The following ROBO1 variants were observed in gnomAD, a reference collection of about 807,000 sequenced individuals.
ROBO1 encodes the protein roundabout guidance receptor 1, also known as roundabout homolog 1.
ROBO1 carries 149 observed loss-of-function variants against 195.9 expected under a neutral mutation model. The ratio of observed to expected loss-of-function variants is 0.76; its 90% CI spans 0.67 to 0.87. ROBO1 has a LOEUF of 0.87. Ranked by LOEUF, ROBO1 falls within the 40% of genes least tolerant of loss-of-function variation. The probability of loss-of-function intolerance (pLI) is 0.00; values close to 1 mark genes in which losing one functional copy is unlikely to be tolerated. For missense variants in ROBO1, 1,933 were observed against 2,068.3 expected (o/e 0.93, Z 1.27); for synonymous variants, 816 against 733.2 (o/e 1.11, Z -1.82).
chr3:79,659,623 AC>A, intron 1 of ROBO1, among the ~76,000 whole-genome samples: 1 of 29,228 alleles, frequency 3.4e-5, no homozygotes, highest in African/African-American at 2.1e-4. Flanking sequence ...AAAAAAAAAC[AC>A]AATATTTTTT....
chr3:78,720,274 G>A (rs537524228), intron 5 of ROBO1, among the ~76,000 whole-genome samples: 1 of 152,304 alleles, frequency 6.6e-6, no homozygotes, highest in Non-Finnish European at 1.5e-5. Context: ...ACAACAAGTG[G>A]AAACAAGGTG....
intron 1 of ROBO1, among the ~76,000 whole-genome samples, chr3:79,601,010 C>A (rs967748389): frequency 6.6e-6 from 1 of 151,798 alleles, no homozygotes; most frequent in Admixed American, 6.6e-5. Flanking sequence ...AAGTTACAAG[C>A]GGTGGTAATT....
intron 4 of ROBO1, among the ~76,000 whole-genome samples, chr3:78,925,638 T>G (rs928696712): frequency 6.6e-6 from 1 of 152,146 alleles, no homozygotes; most frequent in African/African-American, 2.4e-5. Flanking sequence ...AAATTAATAA[T>G]AATACTTTTG....
At position 79,572,437 on chromosome 3, in the gene ROBO1, A is replaced by G. The variant is rs962698402; in HGVS notation, c.88+17387T>C. Among the ~76,000 whole-genome samples the G allele has an allele frequency of 7.2e-5, 11 of 152,078 alleles. No individual in the cohort carries two copies. The East Asian group carries it at 1.2e-3, about 16-fold the overall frequency. ...TTACCTGTATTATATAATTTTTAACATTGCCATGTCAAATTAATAAAAACT... is the reference window on the plus strand; with the variant it reads ...TTACCTGTATTATATAATTTTTAACGTTGCCATGTCAAATTAATAAAAACT... On this transcript the variant is annotated intron_variant, in intron 2 of 30. Coordinates refer to ENST00000464233, the MANE Select transcript of ROBO1 (RefSeq NM_002941.4).
chr3:79,264,114 A>G (rs997619775), intron 2 of ROBO1, among the ~76,000 whole-genome samples: 20 of 152,012 alleles, frequency 1.3e-4, no homozygotes, highest in African/African-American at 7.2e-5. Flanking sequence ...ACATCAGATG[A>G]TGTTAGTCCA....
intron 2 of ROBO1, among the ~76,000 whole-genome samples, chr3:79,389,260 A>T (rs1000224055): frequency 2.6e-5 from 4 of 152,080 alleles, no homozygotes; most frequent in African/African-American, 9.7e-5. Context: ...TAAAGAAAAA[A>T]ATTATGTAAT....
At chr3:78,884,699 G>A (rs1270253532) in intron 4 of ROBO1, among the ~76,000 whole-genome samples, 3 of 116,566 alleles carry the variant, frequency 2.6e-5, no homozygotes, top group African/African-American at 7.0e-5. Flanking sequence ...AAGGAAGGAA[G>A]GAAGGAAAGA....
At chr3:79,176,393 A>C (rs1299777844) in intron 2 of ROBO1, among the ~76,000 whole-genome samples, 1 of 152,178 alleles carries the variant, frequency 6.6e-6, no homozygotes, top group African/African-American at 2.4e-5. Flanking sequence ...AAATCATCCA[A>C]ATTAGTGATT....
intron 2 of ROBO1, among the ~76,000 whole-genome samples, chr3:79,138,128 G>C (rs917214777): frequency 6.6e-6 from 1 of 152,072 alleles, no homozygotes; most frequent in African/African-American, 2.4e-5. Context: ...CTGAAATCAA[G>C]ATACATTGAG....
At chr3:78,780,748 T>C (rs866487408) in intron 4 of ROBO1, among the ~76,000 whole-genome samples, 22 of 152,140 alleles carry the variant, frequency 1.4e-4, no homozygotes, top group African/African-American at 5.3e-4. Flanking sequence ...CTCTAGTCTC[T>C]TTTGGTGCCT....
At chr3:78,696,833 C>A (rs1177934589) in intron 8 of ROBO1, among the ~76,000 whole-genome samples, 1 of 150,630 alleles carries the variant, frequency 6.6e-6, no homozygotes, top group African/African-American at 2.4e-5. Flanking sequence ...TAAAAAAGAC[C>A]TGGAAACTAA....
intron 3 of ROBO1, among the ~76,000 whole-genome samples, chr3:78,963,444 T>C (rs2041487484): frequency 7.3e-6 from 1 of 136,830 alleles, no homozygotes; most frequent in Non-Finnish European, 1.6e-5. Flanking sequence ...TTTGTGTTTA[T>C]AAACATATAT....
rs368416573 is a variant in ROBO1 at position 78,974,216 on chromosome 3, T to C, written c.173-35289A>G. On this transcript the variant is annotated intron_variant, in intron 3 of 30. Transcript: ENST00000464233. ...TCTATTAGTGTACAAATAAAGTCCATGGTACTCATTTCTCTTGAAATACAA... is the reference window on the plus strand; with the variant it reads ...TCTATTAGTGTACAAATAAAGTCCACGGTACTCATTTCTCTTGAAATACAA... 4.1e-4 allele frequency among the ~76,000 whole-genome samples: 63 copies of C among 152,262 alleles called. 1 individual carries two copies. Among genetic ancestry groups the C allele is most frequent in the African/African-American group, 1.4e-3 (57 of 41,560 alleles).
intron 1 of ROBO1, among the ~76,000 whole-genome samples, chr3:79,633,713 C>A (rs1945413807): frequency 9.8e-6 from 1 of 102,234 alleles, no homozygotes; most frequent in African/African-American, 3.8e-5. Context: ...TATATACATA[C>A]TTGAATAGTG....
chr3:79,113,289 C>A, intron 3 of ROBO1, among the ~76,000 whole-genome samples: 1 of 152,008 alleles, frequency 6.6e-6, no homozygotes, highest in East Asian at 1.9e-4. Flanking sequence ...CCCATGTGCC[C>A]AGAAATCCAT....
intron 2 of ROBO1, among the ~76,000 whole-genome samples, chr3:79,356,240 C>T (rs950001557): frequency 6.6e-6 from 1 of 152,158 alleles, no homozygotes; most frequent in African/African-American, 2.4e-5. Flanking sequence ...ACTCAGGAGA[C>T]TGAGGCACAA....
intron 2 of ROBO1, among the ~76,000 whole-genome samples, chr3:79,399,348 C>G (rs1012923788): frequency 3.9e-5 from 6 of 152,080 alleles, no homozygotes; most frequent in Admixed American, 1.3e-4. Context: ...TGACCGGCTG[C>G]CCCCCGACCT....
intron 3 of ROBO1, chr3:79,018,818 C>G (rs2078025516): frequency 6.8e-6 from 7 of 1,025,462 alleles, no homozygotes; most frequent in Non-Finnish European, 2.3e-6. Context: ...TGCGCCCCCA[C>G]AATGTGCGGC....
In ROBO1 at chr3:78,627,465, C is replaced by T. The variant is rs142789733; in HGVS notation, c.3731G>A (p.Arg1244Gln). The stretch of plus-strand genomic sequence containing the variant: ...GGCAGCTGGAGAAGAAGCTGCTCCC[C>T]GAACAGGGGGAGTGGGGCCTCGTTC... ...EDERGPTPPV[R>Q]GAASSPAAVS... Residue 1244 changes from arginine (R) to glutamine (Q), a missense_variant, in exon 26 of 31, where the codon CGG becomes CAG. Transcript: ENST00000464233. The T allele has an allele frequency of 9.3e-6, 15 of 1,612,978 alleles. No individual in the cohort carries two copies. Among genetic ancestry groups the T allele is most frequent in the East Asian group, 4.5e-5 (2 of 44,740 alleles).
Sources: allele counts gnomAD v4.1 joint callset (sites outside exome capture counted in the v4.1 genomes callset), GRCh38; gene constraint gnomAD v4.1.1; transcripts MANE v1.5; gene names NCBI Gene and HGNC (gene_info 2026-07-23, HGNC 2026-07-21).